CNOT1: variants seen among roughly 807,000 people sequenced by gnomAD.
CNOT1 encodes CCR4-NOT transcription complex subunit 1.
A neutral mutation model predicts 273.8 loss-of-function variants in CNOT1; 15 were observed. The ratio of observed to expected loss-of-function variants is 0.05; its 90% CI spans 0.04 to 0.08. CNOT1 has a LOEUF of 0.08. CNOT1 is among the 10% of genes least tolerant of loss of function. The probability of loss-of-function intolerance (pLI) is 1.00; values close to 1 mark genes in which losing one functional copy is unlikely to be tolerated. For synonymous variants in CNOT1, 1,022 were observed against 1,005.5 expected (o/e 1.02, Z -0.31); for missense variants, 1,644 against 2,912.2 (o/e 0.56, Z 10.02).
At chr16:58,580,514 GGT>G (rs1214785271) in intron 12 of CNOT1, 117 bp downstream of exon 12, 4 of 1,396,944 alleles carry the variant, frequency 2.9e-6, no homozygotes, top group Non-Finnish European at 3.7e-6. Flanking sequence ...AGATAAGTAA[GGT>G]CACTAAAACT....
chr16:58,617,399 A>G (rs1167016630), intron 1 of CNOT1, among the ~76,000 whole-genome samples: 1 of 152,056 alleles, frequency 6.6e-6, no homozygotes, highest in Non-Finnish European at 1.5e-5. Context: ...AACAAACCAC[A>G]TCTTACAAGG....
At chr16:58,580,175 A>T (rs2041607306) in intron 12 of CNOT1, among the ~76,000 whole-genome samples, 1 of 151,892 alleles carries the variant, frequency 6.6e-6, no homozygotes, top group South Asian at 2.1e-4. Context: ...GTGCCACTGC[A>T]CTCCTGAGAT....
chr16:58,620,566 C>T (rs1380750432), intron 1 of CNOT1, among the ~76,000 whole-genome samples: 2 of 149,032 alleles, frequency 1.3e-5, no homozygotes, highest in Non-Finnish European at 3.0e-5. Flanking sequence ...ATCGCTTGAA[C>T]CCGGAAGGAG....
intron 47 of CNOT1, 66 bp from the exon 48 acceptor site, chr16:58,521,383 T>C (rs2039362488): frequency 7.3e-6 from 11 of 1,506,704 alleles, no homozygotes; most frequent in Non-Finnish European, 9.0e-6. Context: ...ATTCTTCCAT[T>C]ACTTTTTTTC....
chr16:58,582,718 T>C, intron 10 of CNOT1, 75 bp downstream of exon 10: 1 of 879,092 alleles, frequency 1.1e-6, no homozygotes, highest in Non-Finnish European at 1.9e-6. Context: ...AGGTGGAAAA[T>C]TCTTAAAAAT....
chr16:58,523,254 A>C, intron 47 of CNOT1, 116 bp downstream of exon 47: 1 of 1,227,620 alleles, frequency 8.1e-7, no homozygotes, highest in South Asian at 1.9e-5. Context: ...CAAAAAAACA[A>C]AAAAAAAACC....
At chr16:58,578,989 A>G (rs754588668) in intron 12 of CNOT1, 50 bp from the exon 13 acceptor site, 1 of 1,587,260 alleles carries the variant, frequency 6.3e-7, no homozygotes, top group African/African-American at 1.3e-5. Context: ...CCAAGTATAC[A>G]GATTAATTTT....
chr16:58,530,518 G>C (rs2151902249), intron 42 of CNOT1, 171 bp from the exon 43 acceptor site: 2 of 446,534 alleles, frequency 4.5e-6, no homozygotes, highest in Non-Finnish European at 7.9e-6. Flanking sequence ...CACGGTGGCT[G>C]ACGCCTGTAA....
At position 58,587,453 on chromosome 16, in the gene CNOT1, T is replaced by C. The variant is rs747755022; in HGVS notation, c.310-40A>G. 46 of 1,609,132 alleles carry C rather than the reference T, an allele frequency of 2.9e-5. No homozygotes were observed. The South Asian group carries it at 4.2e-4, about 15-fold the overall frequency. ...ATTTTAGTTTAAAATAAGAACTTAC[T>C]TTTTCAAGAAGTTTTTAACAACCTA... On this transcript the variant is annotated intron_variant, in intron 4 of 48. Transcript: ENST00000317147.
intron 24 of CNOT1, among the ~76,000 whole-genome samples, chr16:58,550,239 CTA>C (rs943047641): frequency 8.5e-5 from 13 of 152,310 alleles, no homozygotes; most frequent in South Asian, 6.2e-4. Context: ...AATTCCAGAA[CTA>C]TGTTTTCCTA....
intron 1 of CNOT1, among the ~76,000 whole-genome samples, chr16:58,625,582 G>A (rs2043535706): frequency 6.6e-6 from 1 of 152,034 alleles, no homozygotes; most frequent in African/African-American, 2.4e-5. Flanking sequence ...TACTTGGGAA[G>A]CTGAGGCAGG....
At chr16:58,587,289 C>G (rs757088125) in intron 5 of CNOT1, 34 bp from the exon 6 acceptor site, 5 of 1,613,556 alleles carry the variant, frequency 3.1e-6, no homozygotes, top group Non-Finnish European at 8.5e-7. Context: ...ACCAAAGAGT[C>G]AAATGGCTGT....
intron 16 of CNOT1, among the ~76,000 whole-genome samples, chr16:58,562,453 A>G (rs145345481): frequency 6.8e-6 from 1 of 147,480 alleles, no homozygotes; most frequent in Admixed American, 6.7e-5. Flanking sequence ...GTAGTGAGCT[A>G]TGATCACATC....
In CNOT1 at chr16:58,618,305, C is replaced by T. The variant is rs146790100; in HGVS notation, c.-175+11423G>A. On this transcript the variant is annotated intron_variant, in intron 1 of 48. Coordinates refer to ENST00000317147, the MANE Select transcript of CNOT1 (RefSeq NM_016284.5). Reference sequence around the variant, plus strand: ...AAAAATTAATTAAAAAGAGTTTGGCCGGGCACGGCAGCTCACACCTGTAAT... The same window carrying T: ...AAAAATTAATTAAAAAGAGTTTGGCTGGGCACGGCAGCTCACACCTGTAAT... 1.4e-4 allele frequency among the ~76,000 whole-genome samples: 21 copies of T among 152,074 alleles called. No individual in the cohort carries two copies. In the East Asian group the frequency reaches 3.5e-3, roughly 25 times the overall value.
In CNOT1 at chr16:58,617,513, T is replaced by C. The variant is rs145040954; in HGVS notation, c.-175+12215A>G. 2.6e-3 allele frequency among the ~76,000 whole-genome samples: 402 copies of C among 152,302 alleles called. 3 individuals are homozygous for C. Among genetic ancestry groups the C allele is most frequent in the African/African-American group, 9.0e-3 (374 of 41,554 alleles). Reference sequence around the variant, plus strand: ...AACATGACACTCAAAAGAATACTCATTGGTGCATATTGGTAAGTACAAGAA... The same window carrying C: ...AACATGACACTCAAAAGAATACTCACTGGTGCATATTGGTAAGTACAAGAA... On this transcript the variant is annotated intron_variant, in intron 1 of 48. Coordinates refer to ENST00000317147, the MANE Select transcript of CNOT1 (RefSeq NM_016284.5).
intron 13 of CNOT1, among the ~76,000 whole-genome samples, chr16:58,578,061 T>G (rs1455344406): frequency 6.6e-6 from 1 of 152,206 alleles, no homozygotes; most frequent in Admixed American, 6.5e-5. Context: ...TGTGAACATA[T>G]GACATCAATA....
Position 58,520,910 on chromosome 16 carries a change from T to G in CNOT1, c.*48A>C, listed in dbSNP as rs892577153. ...TTCTTCAGTCAGTTTATGAACTCGG[T>G]GCAGTGAGACCTCTAGACTGACACG... On this transcript the variant is annotated 3_prime_UTR_variant, in exon 49 of 49. Coordinates refer to ENST00000317147, the MANE Select transcript of CNOT1 (RefSeq NM_016284.5). 4.5e-6 allele frequency: 7 copies of G among 1,566,258 alleles called. No individual in the cohort carries two copies. Among genetic ancestry groups the G allele is most frequent in the Non-Finnish European group, 6.1e-6 (7 of 1,143,470 alleles).
intron 13 of CNOT1, among the ~76,000 whole-genome samples, chr16:58,577,845 C>CAAA (rs34127478): frequency 4.3e-4 from 46 of 106,380 alleles, no homozygotes; most frequent in Non-Finnish European, 6.4e-4. Context: ...TCCTCTCTCT[C>CAAA]AAAAAAAAAA....
chr16:58,520,802 A>G lies in CNOT1; in HGVS notation c.*156T>C, dbSNP rs1597384915. 5.5e-6 allele frequency: 4 copies of G among 722,648 alleles called. No homozygotes were observed. In the Admixed American group the frequency reaches 8.2e-5, roughly 15 times the overall value. The allele number at this position is 722,648 out of a possible 1,614,324, so 44.8% of individuals were successfully genotyped here. A position where few individuals can be genotyped will look rare whatever the true frequency, so the allele number is the denominator to read the frequency against. On this transcript the variant is annotated 3_prime_UTR_variant, in exon 49 of 49. Coordinates refer to ENST00000317147, the MANE Select transcript of CNOT1 (RefSeq NM_016284.5). ...TTTAAACTTTGGAACGTGCCCACAT[A>G]AGACAGGAGGCTGATCCCAACAGTA...
Sources: allele counts gnomAD v4.1 joint callset (sites outside exome capture counted in the v4.1 genomes callset), GRCh38; gene constraint gnomAD v4.1.1; transcripts MANE v1.5; gene names NCBI Gene and HGNC (gene_info 2026-07-23, HGNC 2026-07-21).